The following CAMTA1 variants were observed in gnomAD, a reference collection of about 807,000 sequenced individuals.
CAMTA1 encodes calmodulin-binding transcription activator 1.
A neutral mutation model predicts 170.9 loss-of-function variants in CAMTA1; 27 were observed. That is an observed-to-expected ratio of 0.16 (90% CI 0.12 to 0.22). The LOEUF is 0.22. Among genes scored for constraint, CAMTA1 ranks in the 10% least tolerant of loss-of-function variants. CAMTA1 has a pLI of 1.00. For missense variants in CAMTA1, 1,619 were observed against 2,217.2 expected (o/e 0.73, Z 5.42); for synonymous variants, 833 against 891.5 (o/e 0.93, Z 1.17).
In CAMTA1 at chr1:7,597,437, A is replaced by G. The variant is rs539918857; in HGVS notation, c.511-42963A>G. ...CTCTGGCCCCGAGGCCTCCACAGGA[A>G]GGAAAAGAGAGCTTGGCCCTGAACT... is the stretch of plus-strand genomic sequence containing the variant. On this transcript the variant is annotated intron_variant, in intron 6 of 22. Transcript: ENST00000303635. Among the ~76,000 whole-genome samples the G allele has an allele frequency of 2.8e-4, 43 of 152,238 alleles. 1 individual carries two copies. The highest frequency in any genetic ancestry group is 7.3e-5 in the Non-Finnish European group (5 of 68,038).
chr1:6,970,087 C>A lies in CAMTA1; in HGVS notation c.235-121217C>A, dbSNP rs1692261928. Reference sequence around the variant, plus strand: ...CCTCTCCCTCCCAGGATCTCTAACCCCAGTCAACCACTAATTTGTTCACCA... The same window carrying A: ...CCTCTCCCTCCCAGGATCTCTAACCACAGTCAACCACTAATTTGTTCACCA... On this transcript the variant is annotated intron_variant, in intron 3 of 22. Coordinates refer to ENST00000303635, the MANE Select transcript of CAMTA1 (RefSeq NM_015215.4). This position sits in a 1 kb window ranked among gnomAD's most constrained non-coding sequence, Gnocchi z 4.4. 6.6e-6 allele frequency among the ~76,000 whole-genome samples: 1 copy of A among 152,190 alleles called. No homozygotes were observed. Among genetic ancestry groups the A allele is most frequent in the Non-Finnish European group, 1.5e-5 (1 of 68,038 alleles).
chr1:6,879,926 C>A (rs1339288718), intron 3 of CAMTA1, among the ~76,000 whole-genome samples: 2 of 151,766 alleles, frequency 1.3e-5, no homozygotes, highest in African/African-American at 2.4e-5. Context: ...CATGCCTGGC[C>A]CTGTGGGAGG....
intron 4 of CAMTA1, among the ~76,000 whole-genome samples, chr1:7,229,532 G>T (rs1447098728): frequency 1.2e-5 from 1 of 86,220 alleles, no homozygotes; most frequent in Non-Finnish European, 2.4e-5. Context: ...GGTGAGGAGG[G>T]GAGGATTGGA....
rs191010143 is a variant in CAMTA1 at position 7,148,698 on chromosome 1, C to A, written c.302+57327C>A. Among the ~76,000 whole-genome samples, 9 of 152,356 alleles carry A rather than the reference C, an allele frequency of 5.9e-5. No individual in the cohort carries two copies. The East Asian group carries it at 1.2e-3, about 20-fold the overall frequency. On this transcript the variant is annotated intron_variant, in intron 4 of 22. Coordinates refer to ENST00000303635, the MANE Select transcript of CAMTA1 (RefSeq NM_015215.4). Reference sequence around the variant, plus strand: ...CTTCCTTTGGCTCTAGCTCCTCCCTCCCCCATCAGGGGACCACTGGGGCAC... The same window carrying A: ...CTTCCTTTGGCTCTAGCTCCTCCCTACCCCATCAGGGGACCACTGGGGCAC...
chr1:6,918,466 G>C lies in CAMTA1; in HGVS notation c.234+93256G>C, dbSNP rs947071112. ...CAGTAATAGAAAAGTCATTGGAATAGAATGTTGTCACAGATAAATGTCTCC... is the reference window on the plus strand; with the variant it reads ...CAGTAATAGAAAAGTCATTGGAATACAATGTTGTCACAGATAAATGTCTCC... On this transcript the variant is annotated intron_variant, in intron 3 of 22. Coordinates refer to ENST00000303635, the MANE Select transcript of CAMTA1 (RefSeq NM_015215.4). The surrounding 1 kb of genome is among the most constrained non-coding windows in gnomAD (Gnocchi z 4.0). 1.3e-5 allele frequency among the ~76,000 whole-genome samples: 2 copies of C among 152,194 alleles called. No individual in the cohort carries two copies. The highest frequency in any genetic ancestry group is 4.8e-5 in the African/African-American group (2 of 41,456).
At chr1:7,381,071 G>A (rs957337282) in intron 5 of CAMTA1, among the ~76,000 whole-genome samples, 2 of 152,164 alleles carry the variant, frequency 1.3e-5, no homozygotes, top group African/African-American at 4.8e-5. Context: ...TATTAAGATA[G>A]GTTCAGCTGC....
intron 11 of CAMTA1, among the ~76,000 whole-genome samples, chr1:7,696,533 A>G (rs2096379143): frequency 6.6e-6 from 1 of 150,876 alleles, no homozygotes; most frequent in Non-Finnish European, 1.5e-5. Context: ...TCTGCTTTAT[A>G]AGAAAGCCAC....
rs1034405316 is a variant in CAMTA1 at position 7,463,239 on chromosome 1, C to T, written c.439-4591C>T. On this transcript the variant is annotated intron_variant, in intron 5 of 22. Coordinates refer to ENST00000303635, the MANE Select transcript of CAMTA1 (RefSeq NM_015215.4). This position sits in a 1 kb window ranked among gnomAD's most constrained non-coding sequence, Gnocchi z 4.7. ...CTTGGGTAAGTTGCTGAATCCTCTG[C>T]GGCTTCCCCCAGGCAGGGCATGGGA... is the stretch of plus-strand genomic sequence containing the variant. Among the ~76,000 whole-genome samples the T allele has an allele frequency of 5.3e-4, 80 of 152,204 alleles. No individual in the cohort carries two copies. The highest frequency in any genetic ancestry group is 6.2e-4 in the South Asian group (3 of 4,808).
intron 5 of CAMTA1, among the ~76,000 whole-genome samples, chr1:7,281,219 C>G (rs1671459500): frequency 6.6e-6 from 1 of 152,094 alleles, no homozygotes; most frequent in Non-Finnish European, 1.5e-5. Context: ...AACTTTTTTT[C>G]TTTATAACTG....
chr1:7,281,799 T>TTGTGTGTGTGTGTGTG (rs57489369), intron 5 of CAMTA1, among the ~76,000 whole-genome samples: 1 of 139,218 alleles, frequency 7.2e-6, no homozygotes, highest in South Asian at 2.5e-4. Context: ...GGGAAAGAAA[T>TTGTGTGTGTGTGTGTG]TGTGTGTGTG....
At chr1:7,598,337 T>G (rs1455264607) in intron 6 of CAMTA1, among the ~76,000 whole-genome samples, 1 of 152,204 alleles carries the variant, frequency 6.6e-6, no homozygotes, top group Non-Finnish European at 1.5e-5. Context: ...GTCTATCATT[T>G]TTGGACATTT....
rs1197890278 is a variant in CAMTA1 at position 7,642,333 on chromosome 1, G to T, written c.664+1780G>T. On this transcript the variant is annotated intron_variant, in intron 7 of 22. Coordinates refer to ENST00000303635, the MANE Select transcript of CAMTA1 (RefSeq NM_015215.4). The surrounding 1 kb of genome is among the most constrained non-coding windows in gnomAD (Gnocchi z 6.3). ...GCCCTGGAAATAGCCCTGGAATGGT[G>T]GGGGGGAAGGGACCTGCCCAGGGTC... Among the ~76,000 whole-genome samples the T allele has an allele frequency of 3.3e-5, 5 of 151,724 alleles. No homozygotes were observed. Among genetic ancestry groups the T allele is most frequent in the Non-Finnish European group, 5.9e-5 (4 of 67,762 alleles).
At chr1:7,496,114 C>T (rs921376555) in intron 6 of CAMTA1, among the ~76,000 whole-genome samples, 30 of 152,192 alleles carry the variant, frequency 2.0e-4, no homozygotes, top group Admixed American at 1.4e-3. Context: ...CCCAGAGGGC[C>T]GGCTCAGAGC....
At chr1:6,946,945 T>C (rs1330896735) in intron 3 of CAMTA1, among the ~76,000 whole-genome samples, 1 of 152,234 alleles carries the variant, frequency 6.6e-6, no homozygotes, top group African/African-American at 2.4e-5. Flanking sequence ...TAGCTGTAGC[T>C]CTGACGCTTA....
At chr1:7,576,021 G>A (rs1383231096) in intron 6 of CAMTA1, among the ~76,000 whole-genome samples, 4 of 152,048 alleles carry the variant, frequency 2.6e-5, no homozygotes, top group African/African-American at 7.2e-5. Flanking sequence ...GTTTTGTTTT[G>A]TTTTTGAGAC....
rs549690478 is a variant in CAMTA1 at position 7,652,262 on chromosome 1, G to A, written c.665-9464G>A. On this transcript the variant is annotated intron_variant, in intron 7 of 22. Transcript: ENST00000303635. ...CCCAGCTCCCAGGCTTGGATGCAGC[G>A]TTGCTGAGATGTCCTCCTTGCAGCA... 2.0e-4 allele frequency among the ~76,000 whole-genome samples: 31 copies of A among 152,304 alleles called. 1 individual carries two copies. The South Asian group carries it at 5.6e-3, about 27-fold the overall frequency.
At chr1:7,204,806 T>C (rs1239669568) in intron 4 of CAMTA1, among the ~76,000 whole-genome samples, 1 of 95,364 alleles carries the variant, frequency 1.0e-5, no homozygotes, top group Non-Finnish European at 2.4e-5. Context: ...TGGGTCAGAG[T>C]TTCTTTTTTT....
At chr1:6,966,074 C>A (rs542887214) in intron 3 of CAMTA1, among the ~76,000 whole-genome samples, 93 of 152,136 alleles carry the variant, frequency 6.1e-4, no homozygotes, top group African/African-American at 1.9e-3. Context: ...CAGGGCTGCG[C>A]GCTGGCCAGG....
intron 6 of CAMTA1, among the ~76,000 whole-genome samples, chr1:7,586,709 G>A (rs2095313092): frequency 6.6e-6 from 1 of 152,108 alleles, no homozygotes; most frequent in Non-Finnish European, 1.5e-5. Context: ...GGTCCCACTG[G>A]GTCCTCACCA....
Sources: gnomAD v4.1 joint callset for allele counts (sites outside exome capture counted in the v4.1 genomes callset) on GRCh38, gnomAD v4.1.1 for gene constraint, Gnocchi (gnomAD v3.1) non-coding constraint, MANE v1.5 for transcripts, NCBI Gene and HGNC (gene_info 2026-07-23, HGNC 2026-07-21) for gene names.